Variants in ATXN7L2 observed in about 807,000 individuals in gnomAD.
ATXN7L2 encodes the protein ataxin-7-like protein 2.
ATXN7L2 carries 17 observed loss-of-function variants against 59.6 expected under a neutral mutation model. The observed-to-expected ratio is 0.29, with a 90% confidence interval of 0.20 to 0.43. The LOEUF is 0.43. Among genes scored for constraint, ATXN7L2 ranks in the 20% least tolerant of loss-of-function variants. ATXN7L2 has a pLI of 1.00. For missense variants in ATXN7L2, 858 were observed against 1,008.9 expected, an observed-to-expected ratio of 0.85 and a Z score of 2.03; for synonymous variants, 378 against 392.5, an observed-to-expected ratio of 0.96 and a Z score of 0.44.
In ATXN7L2 at chr1:109,488,487, G is replaced by A. The variant is rs778596661; in HGVS notation, c.879+22G>A. ...CAAGGTAACCCCCTTCCCACTGCAC[G>A]GTGAGGGAGGACAGCACAGGGCTTG... On this transcript the variant is annotated intron_variant, in intron 6 of 10. Coordinates refer to ENST00000683729, the MANE Select transcript of ATXN7L2 (RefSeq NM_001350175.2). This position sits in a 1 kb window ranked among gnomAD's most constrained non-coding sequence, Gnocchi z 5.0. 1.2e-5 allele frequency: 19 copies of A among 1,590,346 alleles called. No individual in the cohort carries two copies. Among genetic ancestry groups the A allele is most frequent in the Middle Eastern group, 3.3e-4 (2 of 6,040 alleles).
Position 109,492,683 on chromosome 1 carries a change from A to G in ATXN7L2, c.*83A>G. On this transcript the variant is annotated 3_prime_UTR_variant, in exon 11 of 11. Transcript: ENST00000683729. ...GGGCCCCAGGCTGCTGCCGCTTTTT[A>G]TAACTTTATATTATTTTTTTTTAAG... 6.7e-7 allele frequency: 1 copy of G among 1,488,924 alleles called. No homozygotes were observed. The highest frequency in any genetic ancestry group is 1.2e-5 in the South Asian group (1 of 82,424). The allele number at this position is 1,488,924 out of a possible 1,614,324, so 92.2% of individuals were successfully genotyped here.
chr1:109,492,151 T>C (rs1000753328), intron 10 of ATXN7L2: 3 of 1,036,030 alleles, frequency 2.9e-6, no homozygotes, highest in Non-Finnish European at 3.5e-6. Context: ...ATCAGGGCCT[T>C]GAAGGGCAGG....
intron 8 of ATXN7L2, 46 bp downstream of exon 8, chr1:109,490,174 C>T: frequency 2.5e-6 from 4 of 1,572,156 alleles, no homozygotes; most frequent in Non-Finnish European, 3.5e-6. Context: ...GCCCAGCACT[C>T]CTGGCCAACA....
intron 4 of ATXN7L2, 34 bp from the exon 5 acceptor site, chr1:109,487,484 C>T (rs1253110044): frequency 4.1e-6 from 6 of 1,473,082 alleles, no homozygotes; most frequent in African/African-American, 1.4e-5. Context: ...CCTCCCCTCC[C>T]CTCCCTCAGC....
rs763920807 is a variant in ATXN7L2, at chr1:109,491,004, A to T, written c.1537A>T (p.Thr513Ser). The T allele has an allele frequency of 1.2e-5, 20 of 1,613,016 alleles. No homozygotes were observed. The highest frequency in any genetic ancestry group is 1.5e-5 in the Non-Finnish European group (18 of 1,179,750). Reference protein sequence around the residue: ...SAPLSPSSTGTCPRLPGPTLR... With the variant: ...SAPLSPSSTGSCPRLPGPTLR... ...TCCCCTGAGCCCATCCTCTACAGGC[A>T]CCTGCCCCCGCCTTCCAGGTCCAAC... The change falls in exon 10 of 11, where the codon ACC becomes TCC. Residue 513 changes from threonine to serine, a missense_variant. By Grantham distance (58) the Thr-to-Ser change is moderately conservative. Around this residue, in one of 3 missense-constraint regions of ATXN7L2, gnomAD observed 734 missense variants for 862.3 expected, o/e 0.85. Coordinates refer to ENST00000683729, the MANE Select transcript of ATXN7L2 (RefSeq NM_001350175.2). This position sits in a 1 kb window ranked among gnomAD's most constrained non-coding sequence, Gnocchi z 4.1.
intron 1 of ATXN7L2, chr1:109,485,830 A>T (rs1656548267): frequency 8.3e-7 from 1 of 1,202,742 alleles, no homozygotes; most frequent in Non-Finnish European, 1.0e-6. Context: ...GTGAAGGAAG[A>T]TGGGCATTTG....
At chr1:109,485,744 A>C in intron 1 of ATXN7L2, 2 of 1,060,450 alleles carry the variant, frequency 1.9e-6, no homozygotes, top group Non-Finnish European at 1.1e-6. Context: ...CCTAAACTGC[A>C]CCTTGAAGTG....
chr1:109,491,064 A>G lies in ATXN7L2; in HGVS notation c.1597A>G (p.Thr533Ala), dbSNP rs1246905152. Residue 533 changes from threonine (T) to alanine (A), a missense_variant, in exon 10 of 11, where the codon ACC becomes GCC. By Grantham distance (58) the Thr-to-Ala change is moderately conservative (BLOSUM62 0). Transcript: ENST00000683729. This position sits in a 1 kb window ranked among gnomAD's most constrained non-coding sequence, Gnocchi z 4.1. The stretch of plus-strand genomic sequence containing the variant: ...TGCCTGCCCAGCCTCCATGCCCCCC[A>G]CCAAGGACAACCTTGTCCCCAGCTA... ...RPACPASMPP[T>A]KDNLVPSYPA... 2 of 1,613,402 alleles carry G rather than the reference A, an allele frequency of 1.2e-6. No individual in the cohort carries two copies. Among genetic ancestry groups the G allele is most frequent in the Non-Finnish European group, 1.7e-6 (2 of 1,179,936 alleles).
chr1:109,484,665 C>T (rs139848184), intron 1 of ATXN7L2, among the ~76,000 whole-genome samples: 7 of 152,338 alleles, frequency 4.6e-5, no homozygotes, highest in African/African-American at 1.7e-4. Context: ...CTTGCCCTGC[C>T]TCTTGGCTCT....
At position 109,488,883 on chromosome 1, in the gene ATXN7L2, C is replaced by T. The variant is rs1385546549; in HGVS notation, c.916C>T (p.Arg306Trp). 7 of 1,613,948 alleles carry T rather than the reference C, an allele frequency of 4.3e-6. No individual in the cohort carries two copies. The highest frequency in any genetic ancestry group is 1.3e-5 in the African/African-American group (1 of 74,924). Reference protein sequence around the residue: ...SVHQRREVQGRAKDFDVLVAE... With the variant: ...SVHQRREVQGWAKDFDVLVAE... Reference sequence around the variant, plus strand: ...ACACCAGCGCCGGGAAGTCCAGGGCCGGGCCAAGGACTTTGACGTGCTGGT... The same window carrying T: ...ACACCAGCGCCGGGAAGTCCAGGGCTGGGCCAAGGACTTTGACGTGCTGGT... Residue 306 changes from arginine to tryptophan, a missense_variant, in exon 7 of 11, where the codon CGG becomes TGG. This residue lies in a region of ATXN7L2 where 734 missense variants were observed against 862.3 expected (regional missense o/e 0.85). Transcript: ENST00000683729. This position sits in a 1 kb window ranked among gnomAD's most constrained non-coding sequence, Gnocchi z 5.0.
chr1:109,492,797 A>G, downstream of ATXN7L2: 1 of 678,530 alleles, frequency 1.5e-6, no homozygotes, highest in East Asian at 2.9e-5. Flanking sequence ...AAAAGGAAGG[A>G]AAAAAAATAA....
Position 109,492,617 on chromosome 1 carries a change from C to T in ATXN7L2, c.*17C>T. The T allele has an allele frequency of 6.2e-7, 1 of 1,613,342 alleles. No homozygotes were observed. Among genetic ancestry groups the T allele is most frequent in the South Asian group, 1.1e-5 (1 of 91,026 alleles). ...GCCCATTAACGAGAAAGTGCCTGCCCACTGCAACGGAGCCGCCAGCACCTC... is the reference window on the plus strand; with the variant it reads ...GCCCATTAACGAGAAAGTGCCTGCCTACTGCAACGGAGCCGCCAGCACCTC... On this transcript the variant is annotated 3_prime_UTR_variant, in exon 11 of 11. Transcript: ENST00000683729.
Position 109,491,740 on chromosome 1 carries a change from A to T in ATXN7L2, c.2250+23A>T, listed in dbSNP as rs773740874. On this transcript the variant is annotated intron_variant, in intron 10 of 10. Coordinates refer to ENST00000683729, the MANE Select transcript of ATXN7L2 (RefSeq NM_001350175.2). The surrounding 1 kb of genome is among the most constrained non-coding windows in gnomAD (Gnocchi z 4.1). ...AAGGTACCAGCCAGGCTCCCTGAAG[A>T]TTGATGAGGGTGGGGCACACAGGGG... 3.8e-6 allele frequency: 6 copies of T among 1,561,546 alleles called. No individual in the cohort carries two copies. Among genetic ancestry groups the T allele is most frequent in the South Asian group, 3.5e-5 (3 of 85,700 alleles).
chr1:109,492,298 C>T (rs1657154071), intron 10 of ATXN7L2, among the ~76,000 whole-genome samples: 1 of 152,156 alleles, frequency 6.6e-6, no homozygotes, highest in Non-Finnish European at 1.5e-5. Flanking sequence ...GTGTAGTGTG[C>T]TATGTGCTCT....
At chr1:109,484,739 C>G (rs933418923) in intron 1 of ATXN7L2, among the ~76,000 whole-genome samples, 1 of 152,204 alleles carries the variant, frequency 6.6e-6, no homozygotes, top group Non-Finnish European at 1.5e-5. Flanking sequence ...ACAGCCCCTT[C>G]TTCTGATCTT....
rs1403588593 is a variant in ATXN7L2 at position 109,490,276 on chromosome 1, C to T, written c.1338C>T (p.Cys446=). ...CACCTTCCTTCTGCCTTTAGTTCTG[C>T]ACCTTTGGGAGCCGGCTGGTGAGCC... ...ATRPPRPQAF[C]TFGSRLVSPG... Residue 446 remains cysteine (C), a synonymous_variant, in exon 9 of 11, where the codon TGC becomes TGT. Coordinates refer to ENST00000683729, the MANE Select transcript of ATXN7L2 (RefSeq NM_001350175.2). 3 of 1,613,634 alleles carry T rather than the reference C, an allele frequency of 1.9e-6. No homozygotes were observed. The highest frequency in any genetic ancestry group is 2.7e-5 in the African/African-American group (2 of 74,938).
chr1:109,485,783 T>A, intron 1 of ATXN7L2: 1 of 1,131,576 alleles, frequency 8.8e-7, no homozygotes, highest in Non-Finnish European at 1.1e-6. Context: ...GTGGATGGAT[T>A]CTTCTTAGTG....
chr1:109,485,072 G>C (rs1293316434), intron 1 of ATXN7L2, among the ~76,000 whole-genome samples: 1 of 152,168 alleles, frequency 6.6e-6, no homozygotes, highest in Non-Finnish European at 1.5e-5. Context: ...CTGTTAATGG[G>C]CATCAGAGAG....
At position 109,487,508 on chromosome 1, in the gene ATXN7L2, C is replaced by CT; in HGVS notation, c.510-9dup. 2.0e-6 allele frequency: 3 copies of CT among 1,487,792 alleles called. No homozygotes were observed. Among genetic ancestry groups the CT allele is most frequent in the Non-Finnish European group, 2.7e-6 (3 of 1,120,568 alleles). 92.2% of individuals were successfully genotyped at this position (1,487,792 alleles called of 1,614,324 possible). On this transcript the variant is annotated splice_polypyrimidine_tract_variant and intron_variant, in intron 4 of 10. Coordinates refer to ENST00000683729, the MANE Select transcript of ATXN7L2 (RefSeq NM_001350175.2). ...CCCTCCCTCAGCCAACCCCCTCTCT[C>CT]TGTGTGTAGCCTTTTCGTGCCTGTG... is the stretch of plus-strand genomic sequence containing the variant.
Sources: gnomAD v4.1 joint callset for allele counts (sites outside exome capture counted in the v4.1 genomes callset) on GRCh38, gnomAD v4.1.1 for gene constraint, gnomAD v4.1.1 regional missense constraint, Gnocchi (gnomAD v3.1) non-coding constraint, MANE v1.5 for transcripts, NCBI Gene and HGNC (gene_info 2026-07-23, HGNC 2026-07-21) for gene names.